Variants in ESRRG observed in about 807,000 individuals in gnomAD.
ESRRG encodes the protein estrogen related receptor gamma, also known as estrogen-related receptor gamma.
Under a neutral mutation model 44.0 loss-of-function variants are expected in ESRRG, and 13 were observed. The ratio of observed to expected loss-of-function variants is 0.30; its 90% confidence interval spans 0.19 to 0.47. The LOEUF is 0.47. ESRRG is among the 20% of genes least tolerant of loss of function. ESRRG has a pLI of 1.00. For missense variants in ESRRG, 395 were observed against 580.6 expected, an observed-to-expected ratio of 0.68 and a Z score of 3.29; for synonymous variants, 215 against 214.6, an observed-to-expected ratio of 1.00 and a Z score of -0.02.
intron 1 of ESRRG, among the ~76,000 whole-genome samples, chr1:217,113,429 A>G (rs1324813996): frequency 6.6e-6 from 1 of 152,176 alleles, no homozygotes; most frequent in Non-Finnish European, 1.5e-5. Context: ...CCACCAACAT[A>G]TATTGAGTAG....
At chr1:216,968,519 C>T (rs939140008) in intron 1 of ESRRG, among the ~76,000 whole-genome samples, 1 of 152,110 alleles carries the variant, frequency 6.6e-6, no homozygotes. Flanking sequence ...ATTTCCCCAG[C>T]TCCATTGTCA....
intron 2 of ESRRG, among the ~76,000 whole-genome samples, chr1:216,915,979 C>T (rs75924439): frequency 0.017 from 2,516 of 152,180 alleles, 44 homozygotes; most frequent in East Asian, 0.049. Context: ...GGCTATCTTC[C>T]TTTATATCGT....
At chr1:216,556,576 T>C (rs2057629231) in intron 5 of ESRRG, among the ~76,000 whole-genome samples, 1 of 152,166 alleles carries the variant, frequency 6.6e-6, no homozygotes, top group Non-Finnish European at 1.5e-5. Flanking sequence ...AAACTTTCAA[T>C]AGCACTTCAC....
chr1:217,067,981 C>A (rs190689020), intron 1 of ESRRG, among the ~76,000 whole-genome samples: 2 of 152,280 alleles, frequency 1.3e-5, no homozygotes, highest in African/African-American at 4.8e-5. Flanking sequence ...GTTGTTCCTT[C>A]TCTTTCTAAG....
At chr1:216,698,033 G>A (rs1381808736) in intron 1 of ESRRG, among the ~76,000 whole-genome samples, 1 of 152,124 alleles carries the variant, frequency 6.6e-6, no homozygotes, top group African/African-American at 2.4e-5. Flanking sequence ...CCCTCCGTTT[G>A]CCCCTAAGAT....
At chr1:216,666,901 G>A (rs555444850) in intron 2 of ESRRG, among the ~76,000 whole-genome samples, 3 of 152,302 alleles carry the variant, frequency 2.0e-5, no homozygotes, top group East Asian at 3.9e-4. Flanking sequence ...GACTTAACAG[G>A]TTGTAGTTTG....
chr1:216,705,857 A>C (rs2082342399), intron 1 of ESRRG, among the ~76,000 whole-genome samples: 1 of 152,196 alleles, frequency 6.6e-6, no homozygotes, highest in Non-Finnish European at 1.5e-5. Flanking sequence ...TGAATGCAGC[A>C]GGTGGGGCAG....
At chr1:216,681,987 G>A (rs746225802) in intron 1 of ESRRG, 2 of 152,172 alleles carry the variant, frequency 1.3e-5, no homozygotes, top group Admixed American at 6.5e-5. Flanking sequence ...CATTTCGATG[G>A]AAGGTCTGAA....
chr1:216,539,616 A>T (rs115694770), intron 5 of ESRRG, among the ~76,000 whole-genome samples: 1,605 of 152,126 alleles, frequency 0.011, 34 homozygotes, highest in African/African-American at 0.037. Context: ...TAGAATTTAC[A>T]TTCCACAAGA....
chr1:216,711,354 C>T (rs1393366885), intron 1 of ESRRG, among the ~76,000 whole-genome samples: 1 of 152,170 alleles, frequency 6.6e-6, no homozygotes, highest in East Asian at 1.9e-4. Context: ...CACACCACAG[C>T]GGTGCACAGA....
At chr1:216,581,763 G>A (rs186729803) in intron 3 of ESRRG, among the ~76,000 whole-genome samples, 1 of 152,210 alleles carries the variant, frequency 6.6e-6, no homozygotes. Flanking sequence ...TGGGAGTGGG[G>A]TGGGCAATCT....
At position 216,526,845 on chromosome 1, in the gene ESRRG, TC is replaced by T. The variant is rs530023598; in HGVS notation, c.863-7425del. ...AATAGACCTAGAATTGGGTGCCATC[TC>T]TGCCACCAAAGAACTGTGAAACACT... On this transcript the variant is annotated intron_variant, in intron 5 of 6. Coordinates refer to ENST00000408911, the MANE Select transcript of ESRRG (RefSeq NM_001438.4). 7.2e-5 allele frequency among the ~76,000 whole-genome samples: 11 copies of T among 152,278 alleles called. No individual in the cohort carries two copies. The East Asian group carries it at 2.1e-3, about 30-fold the overall frequency.
At chr1:216,681,417 A>G (rs566507085) in intron 1 of ESRRG, among the ~76,000 whole-genome samples, 10 of 152,202 alleles carry the variant, frequency 6.6e-5, no homozygotes, top group African/African-American at 2.2e-4. Context: ...TACATTAGGT[A>G]TATCTCCTAA....
At chr1:216,662,771 AT>A (rs1269524787) in intron 2 of ESRRG, among the ~76,000 whole-genome samples, 12 of 152,214 alleles carry the variant, frequency 7.9e-5, no homozygotes, top group Middle Eastern at 6.8e-3. Flanking sequence ...GATTGTACAT[AT>A]TTTTGTCTTT....
chr1:216,607,815 C>T lies in ESRRG; in HGVS notation c.590-39717G>A, dbSNP rs76450607. Among the ~76,000 whole-genome samples, 28 of 152,168 alleles carry T rather than the reference C, an allele frequency of 1.8e-4. 1 individual carries two copies. The East Asian group carries it at 5.0e-3, about 27-fold the overall frequency. On this transcript the variant is annotated intron_variant, in intron 3 of 6. Coordinates refer to ENST00000408911, the MANE Select transcript of ESRRG (RefSeq NM_001438.4). ...CATAATCCTTGCAATCAATTCTTTG[C>T]GTGGCTTTTTTAAAAAGCAAGGATG...
At chr1:216,631,386 T>C (rs1381773058) in intron 3 of ESRRG, among the ~76,000 whole-genome samples, 4 of 152,310 alleles carry the variant, frequency 2.6e-5, no homozygotes, top group African/African-American at 9.6e-5. Flanking sequence ...ATAGTGTTTG[T>C]TTTAGGAATA....
chr1:216,850,929 C>T (rs1390947430), intron 2 of ESRRG, among the ~76,000 whole-genome samples: 2 of 151,440 alleles, frequency 1.3e-5, no homozygotes, highest in East Asian at 3.9e-4. Flanking sequence ...ATGTAAAGTG[C>T]TGATAAATGT....
At chr1:216,690,761 C>T (rs558769394) in intron 1 of ESRRG, among the ~76,000 whole-genome samples, 134 of 152,202 alleles carry the variant, frequency 8.8e-4, no homozygotes, top group Non-Finnish European at 1.7e-3. Context: ...CTCATTTACA[C>T]ACAATGGACT....
At chr1:216,856,748 G>A (rs1363616588) in intron 2 of ESRRG, among the ~76,000 whole-genome samples, 2 of 152,172 alleles carry the variant, frequency 1.3e-5, no homozygotes, top group East Asian at 1.9e-4. Context: ...ATCAGCAGCT[G>A]TCAGGCTATT....
Sources: gnomAD v4.1 joint callset for allele counts (sites outside exome capture counted in the v4.1 genomes callset) on GRCh38, gnomAD v4.1.1 for gene constraint, MANE v1.5 for transcripts, NCBI Gene and HGNC (gene_info 2026-07-23, HGNC 2026-07-21) for gene names.